Variants in DENND2A observed in about 807,000 individuals in gnomAD.
DENND2A encodes the protein DENN domain-containing protein 2A.
In DENND2A, 53 loss-of-function variants were observed where a neutral mutation model predicts 105.3. That is an observed-to-expected ratio of 0.50 (90% CI 0.40 to 0.63). The LOEUF (loss-of-function observed/expected upper bound fraction) is 0.63, where lower values mean the gene tolerates loss of function less well. DENND2A is among the 30% of genes least tolerant of loss of function. The probability of loss-of-function intolerance (pLI) is 0.00; values close to 1 mark genes in which losing one functional copy is unlikely to be tolerated. For missense variants in DENND2A, 1,138 were observed against 1,279.6 expected, an observed-to-expected ratio of 0.89 and a Z score of 1.69; for synonymous variants, 522 against 508.4, an observed-to-expected ratio of 1.03 and a Z score of -0.36.
intron 3 of DENND2A, 96 bp from the exon 4 acceptor site, chr7:140,587,876 T>G: frequency 7.9e-7 from 1 of 1,265,314 alleles, no homozygotes; most frequent in Non-Finnish European, 1.0e-6. Context: ...CCAAATTTTC[T>G]TTTTCTTAGA....
chr7:140,582,550 A>G (rs1798588277), intron 5 of DENND2A, among the ~76,000 whole-genome samples: 1 of 152,228 alleles, frequency 6.6e-6, no homozygotes, highest in Non-Finnish European at 1.5e-5. Flanking sequence ...ATGAGAAGAG[A>G]AATGACAGTT....
intron 1 of DENND2A, among the ~76,000 whole-genome samples, chr7:140,619,263 G>T (rs1300093972): frequency 6.6e-6 from 1 of 152,154 alleles, no homozygotes; most frequent in Admixed American, 6.6e-5. Context: ...TAGCTATTCA[G>T]TGGAATACAG....
chr7:140,624,705 CTTTTT>C (rs374600500), intron 1 of DENND2A, among the ~76,000 whole-genome samples: 1 of 148,728 alleles, frequency 6.7e-6, no homozygotes, highest in Non-Finnish European at 1.5e-5. Context: ...ATTTCTTTTC[CTTTTT>C]TTTTTCTTAG....
At chr7:140,636,684 C>CTTT (rs35563637) in intron 1 of DENND2A, among the ~76,000 whole-genome samples, 9 of 98,352 alleles carry the variant, frequency 9.2e-5, no homozygotes, top group African/African-American at 1.6e-4. Context: ...CCTCCCCAGC[C>CTTT]TTTTTTTTTT....
rs6964982 is a variant in DENND2A, at chr7:140,574,091, C to T, written c.1246-83G>A. ...ATAACTGGTGGTGCCAGGGACGAGA[C>T]AATGAAATTGAGAAGAGGAACTGGT... On this transcript the variant is annotated intron_variant, in intron 5 of 19. Coordinates refer to ENST00000496613, the MANE Select transcript of DENND2A (RefSeq NM_015689.5). 2,331 of 1,505,316 alleles carry T rather than the reference C, an allele frequency of 1.5e-3. 3 individuals carry two copies. Among genetic ancestry groups the T allele is most frequent in the Non-Finnish European group, 1.9e-3 (2,118 of 1,087,140 alleles). 93.2% of individuals were successfully genotyped at this position (1,505,316 alleles called of 1,614,324 possible).
At chr7:140,526,442 G>A (rs563394628) in intron 15 of DENND2A, among the ~76,000 whole-genome samples, 6 of 152,340 alleles carry the variant, frequency 3.9e-5, no homozygotes, top group East Asian at 1.9e-4. Flanking sequence ...TGGCCGTGAC[G>A]GAGGAGGAGC....
chr7:140,548,857 C>T (rs72611557), intron 12 of DENND2A, among the ~76,000 whole-genome samples: 71,539 of 151,352 alleles, frequency 0.47, 19,615 homozygotes, highest in East Asian at 0.84. Context: ...AGGTGATCCA[C>T]CCACCTCGGC....
At chr7:140,536,923 A>G (rs1796475085) in intron 14 of DENND2A, among the ~76,000 whole-genome samples, 1 of 152,196 alleles carries the variant, frequency 6.6e-6, no homozygotes, top group Non-Finnish European at 1.5e-5. Context: ...TCAGCCTCCC[A>G]AAGTGCTGGG....
intron 5 of DENND2A, 143 bp from the exon 6 acceptor site, chr7:140,574,151 C>A: frequency 1.2e-6 from 1 of 833,062 alleles, no homozygotes; most frequent in Non-Finnish European, 1.9e-6. Flanking sequence ...TTGGTTATGC[C>A]AGTAAGTGTT....
intron 5 of DENND2A, among the ~76,000 whole-genome samples, chr7:140,584,668 C>A (rs1798702628): frequency 6.6e-6 from 1 of 152,174 alleles, no homozygotes; most frequent in East Asian, 1.9e-4. Context: ...CTTCCCCCTG[C>A]CCTCTGGGCA....
intron 12 of DENND2A, among the ~76,000 whole-genome samples, chr7:140,553,378 CTA>C (rs1352998911): frequency 6.6e-6 from 1 of 152,240 alleles, no homozygotes; most frequent in African/African-American, 2.4e-5. Context: ...CGGTTTTTCC[CTA>C]TCTCAGTAGA....
At chr7:140,621,169 C>T (rs551864168) in intron 1 of DENND2A, among the ~76,000 whole-genome samples, 22 of 152,232 alleles carry the variant, frequency 1.4e-4, no homozygotes, top group Admixed American at 3.3e-4. Context: ...GCTGGGACTA[C>T]ACGTGTGAGC....
At chr7:140,598,220 C>T (rs1284080979) in intron 3 of DENND2A, among the ~76,000 whole-genome samples, 1 of 152,146 alleles carries the variant, frequency 6.6e-6, no homozygotes, top group Non-Finnish European at 1.5e-5. Flanking sequence ...GCAGAAGAAT[C>T]ATATGATCAT....
intron 1 of DENND2A, among the ~76,000 whole-genome samples, chr7:140,613,426 G>T (rs975684014): frequency 1.3e-5 from 2 of 151,506 alleles, no homozygotes; most frequent in African/African-American, 4.9e-5. Context: ...TGTAGTCCCA[G>T]CTACTTGGGA....
intron 11 of DENND2A, 46 bp from the exon 12 acceptor site, chr7:140,555,759 A>G (rs1797341115): frequency 1.3e-6 from 2 of 1,518,422 alleles, no homozygotes; most frequent in Non-Finnish European, 1.8e-6. Context: ...TGACAACCTC[A>G]GGGAAGAAAG....
chr7:140,551,055 C>G (rs1797114006), intron 12 of DENND2A, among the ~76,000 whole-genome samples: 1 of 151,702 alleles, frequency 6.6e-6, no homozygotes, highest in South Asian at 2.1e-4. Context: ...AATCCCAGCA[C>G]TTTGGGATGC....
chr7:140,522,810 A>G (rs1334627170), intron 17 of DENND2A, among the ~76,000 whole-genome samples: 1 of 143,462 alleles, frequency 7.0e-6, no homozygotes, highest in Admixed American at 7.0e-5. Context: ...TTTTCACCAT[A>G]TTGGCCAGGC....
chr7:140,524,553 C>T (rs944784363), intron 16 of DENND2A, among the ~76,000 whole-genome samples: 3 of 152,070 alleles, frequency 2.0e-5, no homozygotes, highest in Admixed American at 6.6e-5. Flanking sequence ...CACGTATATA[C>T]ATATTTTTTT....
intron 3 of DENND2A, among the ~76,000 whole-genome samples, chr7:140,597,769 T>C (rs900925114): frequency 4.6e-5 from 7 of 152,032 alleles, no homozygotes; most frequent in Admixed American, 3.9e-4. Context: ...GGGACCTCCT[T>C]GGAGGAAGAG....
Sources: gnomAD v4.1 joint callset for allele counts (sites outside exome capture counted in the v4.1 genomes callset) on GRCh38, gnomAD v4.1.1 for gene constraint, MANE v1.5 for transcripts, NCBI Gene and HGNC (gene_info 2026-07-23, HGNC 2026-07-21) for gene names.